PCDH15: variants seen among roughly 807,000 people sequenced by gnomAD.
PCDH15 encodes the protein protocadherin-15.
PCDH15 carries 129 observed loss-of-function variants against 178.5 expected under a neutral mutation model. The observed-to-expected ratio is 0.72, with a 90% CI of 0.63 to 0.84. PCDH15 has a LOEUF of 0.84. Among genes scored for constraint, PCDH15 ranks in the 40% least tolerant of loss-of-function variants. The pLI, the probability that PCDH15 is intolerant of heterozygous loss-of-function variation, is 0.00. For synonymous variants in PCDH15, 800 were observed against 732.0 expected, an observed-to-expected ratio of 1.09 and a Z score of -1.50; for missense variants, 2,230 against 2,099.9, an observed-to-expected ratio of 1.06 and a Z score of -1.21.
chr10:55,307,053 C>A (rs985669231), intron 1 of PCDH15, among the ~76,000 whole-genome samples: 12 of 151,676 alleles, frequency 7.9e-5, no homozygotes, highest in African/African-American at 2.7e-4. Flanking sequence ...ATAATGCTAT[C>A]ATTATGTCTT....
intron 2 of PCDH15, among the ~76,000 whole-genome samples, chr10:54,922,842 G>A (rs969756597): frequency 6.6e-5 from 10 of 152,264 alleles, no homozygotes; most frequent in Admixed American, 2.6e-4. Context: ...CAGGTGCATA[G>A]TGCAAACTGT....
intron 3 of PCDH15, among the ~76,000 whole-genome samples, chr10:54,433,320 C>T (rs1589384753): frequency 6.6e-6 from 1 of 152,070 alleles, no homozygotes; most frequent in East Asian, 1.9e-4. Flanking sequence ...GCAAAGTGTC[C>T]ATCAATAGGT....
intron 1 of PCDH15, among the ~76,000 whole-genome samples, chr10:55,222,249 C>T (rs1228781247): frequency 6.6e-6 from 1 of 151,844 alleles, no homozygotes; most frequent in African/African-American, 2.4e-5. Context: ...AACAATTGTT[C>T]CTGATAAGCT....
intron 2 of PCDH15, among the ~76,000 whole-genome samples, chr10:55,328,458 G>T (rs932770480): frequency 2.0e-5 from 3 of 151,726 alleles, no homozygotes; most frequent in Admixed American, 2.0e-4. Context: ...AAACACAATG[G>T]TATTTGTTTA....
chr10:54,757,568 AC>A (rs984069504), intron 1 of PCDH15, among the ~76,000 whole-genome samples: 1 of 32,302 alleles, frequency 3.1e-5, no homozygotes, highest in African/African-American at 1.8e-4. Context: ...GGCGTGAGCC[AC>A]CGCGCCCGGC....
At chr10:54,948,501 C>T (rs1398102769) in intron 2 of PCDH15, among the ~76,000 whole-genome samples, 1 of 151,908 alleles carries the variant, frequency 6.6e-6, no homozygotes, top group Admixed American at 6.6e-5. Context: ...TATTAAGGAG[C>T]TTCTGTAAGA....
intron 3 of PCDH15, among the ~76,000 whole-genome samples, chr10:54,417,496 G>T (rs1352338470): frequency 1.3e-5 from 2 of 152,084 alleles, no homozygotes; most frequent in Non-Finnish European, 2.9e-5. Flanking sequence ...TGCTGTTTCT[G>T]CTGTGACAGA....
At chr10:54,156,034 C>T (rs1028107441) in intron 13 of PCDH15, among the ~76,000 whole-genome samples, 2 of 151,978 alleles carry the variant, frequency 1.3e-5, no homozygotes, top group Admixed American at 6.6e-5. Context: ...ATGAAAAGGG[C>T]ATTTATTTAC....
chr10:54,507,326 T>C (rs1348062128), intron 3 of PCDH15, among the ~76,000 whole-genome samples: 1 of 151,328 alleles, frequency 6.6e-6, no homozygotes, highest in Admixed American at 6.6e-5. Context: ...TTAATACATA[T>C]ATAATTTATA....
At chr10:53,818,736 T>A (rs1305463538) in intron 33 of PCDH15, among the ~76,000 whole-genome samples, 3 of 152,100 alleles carry the variant, frequency 2.0e-5, no homozygotes, top group Non-Finnish European at 4.4e-5. Context: ...ATGTGTTATT[T>A]TTTAAGCAGT....
intron 2 of PCDH15, among the ~76,000 whole-genome samples, chr10:55,101,785 G>A (rs1192535150): frequency 6.6e-6 from 1 of 151,250 alleles, no homozygotes; most frequent in Non-Finnish European, 1.5e-5. Flanking sequence ...TTAATTTTCA[G>A]TTTCTTCCAC....
At chr10:53,826,062 A>ATCTT (rs2076659748) in intron 32 of PCDH15, among the ~76,000 whole-genome samples, 1 of 151,708 alleles carries the variant, frequency 6.6e-6, no homozygotes, top group East Asian at 1.9e-4. Context: ...GTTTCTAAAG[A>ATCTT]TCTTTGCTTG....
At chr10:54,715,715 C>T (rs1255007540) in intron 1 of PCDH15, among the ~76,000 whole-genome samples, 1 of 152,060 alleles carries the variant, frequency 6.6e-6, no homozygotes, top group African/African-American at 2.4e-5. Context: ...ACTCCCTCCA[C>T]GTCACACTCA....
At chr10:54,234,966 T>C (rs1564749087) in intron 9 of PCDH15, among the ~76,000 whole-genome samples, 2 of 152,126 alleles carry the variant, frequency 1.3e-5, no homozygotes, top group Non-Finnish European at 2.9e-5. Context: ...CCTTTCTACT[T>C]TTACCTCACT....
intron 14 of PCDH15, among the ~76,000 whole-genome samples, chr10:54,148,297 T>C (rs1443629763): frequency 2.6e-5 from 4 of 151,998 alleles, no homozygotes; most frequent in Non-Finnish European, 5.9e-5. Flanking sequence ...CCATGTGGGA[T>C]TGGTTCCAGA....
At chr10:54,784,648 T>C (rs888967382) in intron 1 of PCDH15, among the ~76,000 whole-genome samples, 1 of 151,788 alleles carries the variant, frequency 6.6e-6, no homozygotes, top group Non-Finnish European at 1.5e-5. Context: ...ATATCTAACA[T>C]CATGAAATCA....
At chr10:54,928,477 T>G (rs1250406481) in intron 2 of PCDH15, among the ~76,000 whole-genome samples, 2 of 152,182 alleles carry the variant, frequency 1.3e-5, no homozygotes, top group African/African-American at 4.8e-5. Context: ...AATTTAAATG[T>G]TGGCCTTTCC....
intron 3 of PCDH15, among the ~76,000 whole-genome samples, chr10:54,819,692 A>G (rs570884369): frequency 6.6e-6 from 1 of 152,174 alleles, no homozygotes; most frequent in African/African-American, 2.4e-5. Context: ...CTCAGCCTAT[A>G]CATTATTAAA....
chr10:54,470,165 C>T (rs183783731), intron 3 of PCDH15, among the ~76,000 whole-genome samples: 1 of 152,278 alleles, frequency 6.6e-6, no homozygotes, highest in Admixed American at 6.5e-5. Flanking sequence ...GCTGCACTTG[C>T]AGCACTGCTG....
Sources: allele counts gnomAD v4.1 joint callset (sites outside exome capture counted in the v4.1 genomes callset), GRCh38; gene constraint gnomAD v4.1.1; transcripts MANE v1.5; gene names NCBI Gene and HGNC (gene_info 2026-07-23, HGNC 2026-07-21).